GABBR2: variants seen among roughly 807,000 people sequenced by gnomAD.
GABBR2 encodes the protein gamma-aminobutyric acid type B receptor subunit 2, also known as G-protein coupled receptor 51.
A neutral mutation model predicts 105.6 loss-of-function variants in GABBR2; 23 were observed. The ratio of observed to expected loss-of-function variants is 0.22; its 90% confidence interval spans 0.16 to 0.31. The LOEUF is 0.31. Ranked by LOEUF, GABBR2 falls within the 10% of genes least tolerant of loss-of-function variation. The pLI is 1.00. For synonymous variants in GABBR2, 478 were observed against 499.7 expected (o/e 0.96, Z 0.58); for missense variants, 734 against 1,245.5 (o/e 0.59, Z 6.18).
chr9:98,464,025 G>A (rs1396178073), intron 6 of GABBR2, among the ~76,000 whole-genome samples: 3 of 152,218 alleles, frequency 2.0e-5, no homozygotes, highest in Admixed American at 6.5e-5. Flanking sequence ...CTCCCAAAGT[G>A]CTAAGATTAC....
At chr9:98,603,583 ACCTC>A (rs1829373101) in intron 1 of GABBR2, among the ~76,000 whole-genome samples, 1 of 151,990 alleles carries the variant, frequency 6.6e-6, no homozygotes, top group Non-Finnish European at 1.5e-5. Context: ...GGCAAGGATC[ACCTC>A]TCTGATTTTT....
intron 1 of GABBR2, among the ~76,000 whole-genome samples, chr9:98,671,262 T>A: frequency 6.6e-6 from 1 of 152,222 alleles, no homozygotes; most frequent in Non-Finnish European, 1.5e-5. Flanking sequence ...CAGGATCTTA[T>A]GTGACTGGCT....
At chr9:98,518,920 C>T (rs556727634) in intron 3 of GABBR2, among the ~76,000 whole-genome samples, 1 of 152,166 alleles carries the variant, frequency 6.6e-6, no homozygotes. Flanking sequence ...GACACTGCAC[C>T]AAAGTGCTGA....
intron 13 of GABBR2, among the ~76,000 whole-genome samples, chr9:98,332,725 G>A (rs1400793335): frequency 6.6e-6 from 1 of 152,238 alleles, no homozygotes; most frequent in Non-Finnish European, 1.5e-5. Context: ...CTCGTCAGCT[G>A]GCTTCCCGTC....
At chr9:98,542,355 T>A (rs1236971867) in intron 2 of GABBR2, among the ~76,000 whole-genome samples, 2 of 152,200 alleles carry the variant, frequency 1.3e-5, no homozygotes, top group African/African-American at 4.8e-5. Context: ...TTAAAAAAGA[T>A]CCTGAAATCA....
chr9:98,639,829 G>A (rs1050786638), intron 1 of GABBR2, among the ~76,000 whole-genome samples: 2 of 151,988 alleles, frequency 1.3e-5, no homozygotes, highest in African/African-American at 4.8e-5. Context: ...ATCTCGGGAG[G>A]CACTCTGCTG....
At chr9:98,602,230 T>C (rs1354060473) in intron 1 of GABBR2, among the ~76,000 whole-genome samples, 4 of 151,288 alleles carry the variant, frequency 2.6e-5, no homozygotes, top group Non-Finnish European at 4.4e-5. Context: ...TCCCAGCACT[T>C]TGGGAGGCCG....
In GABBR2 at chr9:98,303,445, C is replaced by G. The variant is rs369087029; in HGVS notation, c.2230-22G>C. 8 of 1,609,338 alleles carry G rather than the reference C, an allele frequency of 5.0e-6. No homozygotes were observed. In the East Asian group the frequency reaches 1.1e-4, roughly 22 times the overall value. On this transcript the variant is annotated intron_variant, in intron 15 of 18. Transcript: ENST00000259455. Reference sequence around the variant, plus strand: ...TGAGCTGAAAGGACAAAGGTTGGGGCGGGGTTGAAGAGAGAGCCTTGAGTC... The same window carrying G: ...TGAGCTGAAAGGACAAAGGTTGGGGGGGGGTTGAAGAGAGAGCCTTGAGTC...
intron 5 of GABBR2, 110 bp downstream of exon 5, chr9:98,480,822 A>G (rs1826904896): frequency 1.4e-6 from 1 of 732,792 alleles, no homozygotes; most frequent in Admixed American, 1.9e-5. Flanking sequence ...CCAGGAACCC[A>G]GGCTCCAGTC....
intron 1 of GABBR2, among the ~76,000 whole-genome samples, chr9:98,696,144 T>C (rs1306108996): frequency 3.3e-5 from 5 of 152,300 alleles, no homozygotes; most frequent in East Asian, 3.9e-4. Flanking sequence ...GAAAACGTGA[T>C]AGTGGATTTT....
chr9:98,346,943 G>A (rs902416228), intron 13 of GABBR2, among the ~76,000 whole-genome samples: 1 of 152,082 alleles, frequency 6.6e-6, no homozygotes, highest in Non-Finnish European at 1.5e-5. Flanking sequence ...GTATCCCATT[G>A]TGTATATATA....
At chr9:98,539,614 T>C (rs1248955871) in intron 3 of GABBR2, among the ~76,000 whole-genome samples, 2 of 152,096 alleles carry the variant, frequency 1.3e-5, no homozygotes, top group African/African-American at 4.8e-5. Flanking sequence ...CAGCCAAAGA[T>C]GCTATTAGAA....
intron 1 of GABBR2, among the ~76,000 whole-genome samples, chr9:98,657,466 C>T (rs1167615563): frequency 6.6e-6 from 1 of 152,194 alleles, no homozygotes. Flanking sequence ...TTACATTTAT[C>T]TGGCCAGCCC....
At chr9:98,431,294 C>T (rs1472180575) in intron 7 of GABBR2, among the ~76,000 whole-genome samples, 1 of 152,082 alleles carries the variant, frequency 6.6e-6, no homozygotes, top group South Asian at 2.1e-4. Flanking sequence ...CTTCTGACAA[C>T]CTGTATACTT....
At position 98,684,818 on chromosome 9, in the gene GABBR2, A is replaced by T. The variant is rs1019698041; in HGVS notation, c.321+23599T>A. 2.6e-5 allele frequency among the ~76,000 whole-genome samples: 4 copies of T among 152,022 alleles called. No homozygotes were observed. The East Asian group carries it at 7.7e-4, about 29-fold the overall frequency. On this transcript the variant is annotated intron_variant, in intron 1 of 18. Coordinates refer to ENST00000259455, the MANE Select transcript of GABBR2 (RefSeq NM_005458.8). ...GATCTGTATTTCGTCAGCGCAATGG[A>T]CTCTGCTTGAATTCCCTGCCTCAAG...
chr9:98,311,942 T>A (rs988262977), intron 13 of GABBR2, among the ~76,000 whole-genome samples: 1 of 152,234 alleles, frequency 6.6e-6, no homozygotes, highest in African/African-American at 2.4e-5. Context: ...GGCCAGATGG[T>A]GGCAACAAGA....
At chr9:98,606,404 A>G (rs994786332) in intron 1 of GABBR2, among the ~76,000 whole-genome samples, 1 of 152,190 alleles carries the variant, frequency 6.6e-6, no homozygotes, top group Admixed American at 6.5e-5. Flanking sequence ...TGAGGATTTA[A>G]AGGGTAAATA....
intron 13 of GABBR2, among the ~76,000 whole-genome samples, chr9:98,324,897 A>G (rs1180568783): frequency 6.6e-6 from 1 of 152,148 alleles, no homozygotes; most frequent in Non-Finnish European, 1.5e-5. Flanking sequence ...CCCTCTGGCA[A>G]CAAATATATA....
chr9:98,703,555 C>T (rs1830858593), intron 1 of GABBR2, among the ~76,000 whole-genome samples: 1 of 152,116 alleles, frequency 6.6e-6, no homozygotes. Flanking sequence ...TGCAGCAGCA[C>T]AATCACAGCT....
Sources: allele counts gnomAD v4.1 joint callset (sites outside exome capture counted in the v4.1 genomes callset), GRCh38; gene constraint gnomAD v4.1.1; transcripts MANE v1.5; gene names NCBI Gene and HGNC (gene_info 2026-07-23, HGNC 2026-07-21).